Variants in ALDH1A2 observed in about 807,000 individuals in gnomAD.
ALDH1A2 encodes the protein aldehyde dehydrogenase 1 family member A2, also known as retinal dehydrogenase 2.
In ALDH1A2, 27 loss-of-function variants were observed where a neutral mutation model predicts 60.3. The observed-to-expected ratio is 0.45, with a 90% CI of 0.33 to 0.62. The LOEUF is 0.62. ALDH1A2 is among the 20% of genes least tolerant of loss of function. ALDH1A2 has a pLI of 0.02. For synonymous variants in ALDH1A2, 289 were observed against 232.4 expected (o/e 1.24, Z -2.21); for missense variants, 581 against 643.8 (o/e 0.90, Z 1.06).
At chr15:58,026,575 C>T (rs543736840) in intron 1 of ALDH1A2, among the ~76,000 whole-genome samples, 228 of 152,276 alleles carry the variant, frequency 1.5e-3, no homozygotes, top group African/African-American at 5.2e-3. Flanking sequence ...ATCACCTCAC[C>T]CAGGAAGCAC....
At chr15:57,980,798 T>C (rs1236161849) in intron 7 of ALDH1A2, among the ~76,000 whole-genome samples, 1 of 152,218 alleles carries the variant, frequency 6.6e-6, no homozygotes, top group Non-Finnish European at 1.5e-5. Flanking sequence ...GCTGGCCTCA[T>C]AAAATGAGTT....
chr15:58,057,968 A>T, intron 1 of ALDH1A2: 1 of 943,428 alleles, frequency 1.1e-6, no homozygotes, highest in Non-Finnish European at 1.4e-6. Context: ...TAAATAATAC[A>T]ATTATATTAT....
intron 1 of ALDH1A2, among the ~76,000 whole-genome samples, chr15:58,048,316 T>C (rs1433510061): frequency 1.3e-5 from 2 of 152,096 alleles, no homozygotes; most frequent in Non-Finnish European, 2.9e-5. Context: ...TTACACAAAC[T>C]GTGTTAATGC....
intron 4 of ALDH1A2, among the ~76,000 whole-genome samples, chr15:58,003,801 T>C (rs1172249712): frequency 6.6e-6 from 1 of 151,922 alleles, no homozygotes; most frequent in African/African-American, 2.4e-5. Flanking sequence ...TTAGCGATAA[T>C]GTAACAGGTA....
intron 1 of ALDH1A2, among the ~76,000 whole-genome samples, chr15:58,061,444 A>G (rs1897029828): frequency 6.6e-6 from 1 of 151,792 alleles, no homozygotes; most frequent in African/African-American, 2.4e-5. Flanking sequence ...AAAAAAAAAA[A>G]TCTCATAGAA....
intron 1 of ALDH1A2, 176 bp downstream of exon 1, chr15:58,065,358 C>T (rs1897149789): frequency 1.4e-6 from 1 of 697,576 alleles, no homozygotes; most frequent in Admixed American, 2.2e-5. Context: ...CACGGCGGGG[C>T]TTCAAACGCC....
chr15:58,036,574 T>C (rs929557078), intron 1 of ALDH1A2: 2 of 151,510 alleles, frequency 1.3e-5, no homozygotes, highest in Non-Finnish European at 3.0e-5. Context: ...CAGTTGGAAC[T>C]AAGAAGGAAA....
chr15:58,018,959 T>C (rs114561827), intron 1 of ALDH1A2, among the ~76,000 whole-genome samples: 2,115 of 152,252 alleles, frequency 0.014, 57 homozygotes, highest in African/African-American at 0.047. Context: ...AAATACATAT[T>C]ATTGGGACAA....
chr15:57,989,854 A>G (rs1160044286), intron 7 of ALDH1A2, among the ~76,000 whole-genome samples: 2 of 152,198 alleles, frequency 1.3e-5, no homozygotes, highest in Non-Finnish European at 2.9e-5. Context: ...ACAAAACCAT[A>G]AAAGTACTGA....
intron 7 of ALDH1A2, among the ~76,000 whole-genome samples, chr15:57,978,444 C>T (rs1427909044): frequency 6.6e-6 from 1 of 152,178 alleles, no homozygotes; most frequent in Non-Finnish European, 1.5e-5. Context: ...CTGAGATAAT[C>T]ATGTGGTTTT....
In ALDH1A2 at chr15:57,953,489, A is replaced by G. The variant is rs1893416424; in HGVS notation, c.*1708T>C. The G allele has an allele frequency of 6.5e-6, 1 of 152,806 alleles. No homozygotes were observed. The highest frequency in any genetic ancestry group is 1.5e-5 in the Non-Finnish European group (1 of 68,048). 9.5% of individuals were successfully genotyped at this position (152,806 alleles called of 1,614,324 possible). On this transcript the variant is annotated 3_prime_UTR_variant, in exon 13 of 13. Coordinates refer to ENST00000249750, the MANE Select transcript of ALDH1A2 (RefSeq NM_003888.4). ...TTTCTTTTTAAGTAAATTAAAAGAA[A>G]TAAATCTTCATTTTCACATTTTTTG...
chr15:57,981,604 G>C (rs561066773), intron 7 of ALDH1A2, among the ~76,000 whole-genome samples: 1 of 152,216 alleles, frequency 6.6e-6, no homozygotes, highest in Admixed American at 6.5e-5. Flanking sequence ...AAGAAGACAT[G>C]AAATAACAGA....
intron 1 of ALDH1A2, among the ~76,000 whole-genome samples, chr15:58,019,752 C>G (rs1360811537): frequency 1.3e-5 from 2 of 152,130 alleles, no homozygotes; most frequent in African/African-American, 4.8e-5. Context: ...ATGATAGGCA[C>G]TTAGCTAACA....
At position 57,960,838 on chromosome 15, in the gene ALDH1A2, A is replaced by G. The variant is rs1296248758; in HGVS notation, c.1416T>C (p.Asn472=). Residue 472 remains asparagine, a synonymous_variant, in exon 12 of 13, where the codon AAT becomes AAC. Transcript: ENST00000249750. The stretch of plus-strand genomic sequence containing the variant: ...TCTGGGCATTTAAGGCATTGTAACA[A>G]TTGATCCTGAAAGAAGAAAACATAG... The part of the protein sequence containing the change: ...SAMQAGTVWI[N]CYNALNAQSP... The G allele has an allele frequency of 3.1e-6, 5 of 1,613,934 alleles. No individual in the cohort carries two copies. The highest frequency in any genetic ancestry group is 4.2e-6 in the Non-Finnish European group (5 of 1,179,806).
At chr15:58,017,070 G>C (rs1421240070) in intron 1 of ALDH1A2, among the ~76,000 whole-genome samples, 1 of 152,124 alleles carries the variant, frequency 6.6e-6, no homozygotes, top group African/African-American at 2.4e-5. Flanking sequence ...GACCATAGAA[G>C]CAAAATCTTG....
In ALDH1A2 at chr15:57,986,015, T is replaced by C. The variant is rs142807929; in HGVS notation, c.798+6690A>G. On this transcript the variant is annotated intron_variant, in intron 7 of 12. Transcript: ENST00000249750. ...TGAAGTAAATAAAATAGTAACCTCA[T>C]TAACTGTAAAGGTGATCTGCATGAA... 1.8e-3 allele frequency among the ~76,000 whole-genome samples: 268 copies of C among 152,296 alleles called. 3 individuals are homozygous for C. The highest frequency in any genetic ancestry group is 5.7e-3 in the African/African-American group (239 of 41,568).
At chr15:57,974,432 C>CAAAAAAA (rs61170362) in intron 7 of ALDH1A2, among the ~76,000 whole-genome samples, 2 of 96,708 alleles carry the variant, frequency 2.1e-5, no homozygotes, top group African/African-American at 9.1e-5. Context: ...GACTCCATCT[C>CAAAAAAA]AAAAAAAAAA....
intron 4 of ALDH1A2, among the ~76,000 whole-genome samples, chr15:58,003,634 C>A (rs1206575209): frequency 6.6e-6 from 1 of 151,772 alleles, no homozygotes; most frequent in Non-Finnish European, 1.5e-5. Context: ...TAAGGCAATA[C>A]AAATTAACTT....
rs148870499 is a variant in ALDH1A2 at position 58,026,091 on chromosome 15, C to A, written c.118-11810G>T. On this transcript the variant is annotated intron_variant, in intron 1 of 12. Transcript: ENST00000249750. ...AATCATTCTATAAGGCTAGCATCAC[C>A]CTAATACCAAAATCAGACAAGGATA... Among the ~76,000 whole-genome samples, 441 of 152,214 alleles carry A rather than the reference C, an allele frequency of 2.9e-3. 3 individuals carry two copies. Among genetic ancestry groups the A allele is most frequent in the African/African-American group, 0.01 (421 of 41,534 alleles).
Sources: allele counts gnomAD v4.1 joint callset (sites outside exome capture counted in the v4.1 genomes callset), GRCh38; gene constraint gnomAD v4.1.1; transcripts MANE v1.5; gene names NCBI Gene and HGNC (gene_info 2026-07-23, HGNC 2026-07-21).